The following LAMA5 variants were observed in gnomAD, a reference collection of about 807,000 sequenced individuals.
LAMA5 encodes laminin subunit alpha 5.
LAMA5 carries 260 observed loss-of-function variants against 433.4 expected under a neutral mutation model. That is an observed-to-expected ratio of 0.60 (90% CI 0.54 to 0.66). The LOEUF (loss-of-function observed/expected upper bound fraction) is 0.66, where lower values mean the gene tolerates loss of function less well. Among genes scored for constraint, LAMA5 ranks in the 30% least tolerant of loss-of-function variants. LAMA5 has a pLI of 0.00. For missense variants in LAMA5, 5,378 were observed against 5,258.5 expected (o/e 1.02, Z -0.70); for synonymous variants, 2,620 against 2,226.6 (o/e 1.18, Z -4.97).
intron 2 of LAMA5, among the ~76,000 whole-genome samples, chr20:62,357,130 C>T (rs1985356787): frequency 6.6e-6 from 1 of 152,160 alleles, no homozygotes; most frequent in Non-Finnish European, 1.5e-5. Flanking sequence ...GGAGGCGGTG[C>T]TGTCCTGTGC....
chr20:62,365,823 T>TGTGCTGGGCTTAAGGAGAGAACG (rs1986659883), intron 1 of LAMA5, among the ~76,000 whole-genome samples: 1 of 152,090 alleles, frequency 6.6e-6, no homozygotes, highest in Non-Finnish European at 1.5e-5. Flanking sequence ...CTCAGAGGAC[T>TGTGCTGGGCTTAAGGAGAGAACG]GTGCTGGGCT....
chr20:62,330,136 G>A (rs368635517), intron 31 of LAMA5, among the ~76,000 whole-genome samples: 8 of 152,258 alleles, frequency 5.3e-5, no homozygotes, highest in East Asian at 1.9e-4. Context: ...TCTAGGTACC[G>A]GTCAACTCCA....
intron 11 of LAMA5, among the ~76,000 whole-genome samples, chr20:62,341,080 A>AAATG (rs1408768346): frequency 6.7e-6 from 1 of 150,362 alleles, no homozygotes; most frequent in African/African-American, 2.5e-5. Flanking sequence ...ATAAATAAAT[A>AAATG]AAATTAAAAA....
intron 51 of LAMA5, 101 bp from the exon 52 acceptor site, chr20:62,319,114 G>T: frequency 7.7e-7 from 1 of 1,306,968 alleles, no homozygotes; most frequent in Non-Finnish European, 1.0e-6. Flanking sequence ...ATCCTTGGCA[G>T]GCCAGGGGCC....
chr20:62,321,155 G>GCAC (rs1987663834), intron 48 of LAMA5, among the ~76,000 whole-genome samples: 1 of 128,238 alleles, frequency 7.8e-6, no homozygotes, highest in African/African-American at 3.0e-5. Context: ...TGGGGCCAGT[G>GCAC]AAGGGGCGGG....
At chr20:62,335,630 A>G (rs1981446806) in intron 18 of LAMA5, among the ~76,000 whole-genome samples, 1 of 99,020 alleles carries the variant, frequency 1.0e-5, no homozygotes, top group African/African-American at 4.1e-5. Context: ...GAGGAACTCC[A>G]CACCCCAACA....
In LAMA5 at chr20:62,313,402, T is replaced by C; in HGVS notation, c.8717A>G (p.Asn2906Ser). Reference protein sequence around the residue: ...YRGCIEMDTLNEEVVSLYNFE... With the variant: ...YRGCIEMDTLSEEVVSLYNFE... Reference sequence around the variant, plus strand: ...GTTGTAGAGGCTGACCACCTCCTCATTCAGCGTGTCCATCTCGATGCAGCC... The same window carrying C: ...GTTGTAGAGGCTGACCACCTCCTCACTCAGCGTGTCCATCTCGATGCAGCC... The change falls in exon 64 of 80, where the codon AAT becomes AGT. Residue 2906 changes from asparagine (N) to serine (S), a missense_variant. Coordinates refer to ENST00000252999, the MANE Select transcript of LAMA5 (RefSeq NM_005560.6). 2 of 1,609,142 alleles carry C rather than the reference T, an allele frequency of 1.2e-6. No individual in the cohort carries two copies. Among genetic ancestry groups the C allele is most frequent in the Non-Finnish European group, 1.7e-6 (2 of 1,178,570 alleles).
intron 18 of LAMA5, among the ~76,000 whole-genome samples, chr20:62,335,668 A>G (rs916207274): frequency 9.3e-6 from 1 of 107,368 alleles, no homozygotes; most frequent in Non-Finnish European, 1.8e-5. Context: ...TCACGGGTGC[A>G]GCCCCTCCGA....
chr20:62,309,639 T>TGGGGCGGTGGGAGGGGGTGGG, intron 79 of LAMA5, 77 bp downstream of exon 79: 1 of 465,272 alleles, frequency 2.1e-6, no homozygotes, highest in Non-Finnish European at 3.1e-6. Flanking sequence ...GGTGGAGGGG[T>TGGGGCGGTGGGAGGGGGTGGG]GGGGGGAGGG....
At chr20:62,365,444 C>T (rs1986614041) in intron 1 of LAMA5, among the ~76,000 whole-genome samples, 1 of 152,214 alleles carries the variant, frequency 6.6e-6, no homozygotes. Flanking sequence ...TAAGCCCCCA[C>T]AGAGGAGACA....
At chr20:62,350,557 A>C (rs545197063) in intron 6 of LAMA5, among the ~76,000 whole-genome samples, 1 of 152,276 alleles carries the variant, frequency 6.6e-6, no homozygotes, top group South Asian at 2.1e-4. Flanking sequence ...ACAGAGCAGT[A>C]AGGCCCCACA....
chr20:62,315,258 G>A (rs1986818880), intron 58 of LAMA5, 51 bp from the exon 59 acceptor site: 3 of 1,483,662 alleles, frequency 2.0e-6, no homozygotes, highest in Non-Finnish European at 2.7e-6. Context: ...GACCATCCTG[G>A]CTTCATGTCC....
At chr20:62,348,537 G>A (rs1983713219) in intron 6 of LAMA5, among the ~76,000 whole-genome samples, 1 of 152,098 alleles carries the variant, frequency 6.6e-6, no homozygotes. Flanking sequence ...AACCTGGGAG[G>A]TGGAGCTTGC....
In LAMA5 at chr20:62,322,115, G is replaced by A. The variant is rs909819484; in HGVS notation, c.6400C>T (p.Pro2134Ser). The change falls in exon 48 of 80, where the codon CCC (proline) becomes TCC (serine). Residue 2134 changes from proline to serine, a missense_variant. By Grantham distance (74) the Pro-to-Ser change is moderately conservative (BLOSUM62 -1). Transcript: ENST00000252999. ...CAGCGCTCCCCGCTGAGCCCCGGGGGGCAGTTGCAGCGGCCCGTGTGAGGG... is the reference window on the plus strand; with the variant it reads ...CAGCGCTCCCCGCTGAGCCCCGGGGAGCAGTTGCAGCGGCCCGTGTGAGGG... ...CDPHTGRCNC[P>S]PGLSGERCDT... The A allele has an allele frequency of 2.5e-6, 4 of 1,603,284 alleles. No individual in the cohort carries two copies. Among genetic ancestry groups the A allele is most frequent in the South Asian group, 1.1e-5 (1 of 90,958 alleles).
chr20:62,311,816 T>TGCC, intron 70 of LAMA5, 32 bp from the exon 71 acceptor site: 12 of 1,520,962 alleles, frequency 7.9e-6, no homozygotes, highest in South Asian at 1.2e-5. Flanking sequence ...GCTCGGTTTT[T>TGCC]CCCCACCCTG....
At chr20:62,315,863 G>A in intron 58 of LAMA5, 85 bp downstream of exon 58, 1 of 1,036,258 alleles carries the variant, frequency 9.7e-7, no homozygotes, top group Non-Finnish European at 1.4e-6. Flanking sequence ...CACAGTGAGT[G>A]CTCACCAACC....
At chr20:62,352,856 C>G in intron 3 of LAMA5, 2 of 423,494 alleles carry the variant, frequency 4.7e-6, no homozygotes, top group Non-Finnish European at 8.5e-6. Flanking sequence ...TTTGTCACCA[C>G]GGGAGCTGCC....
At chr20:62,352,885 G>A in intron 3 of LAMA5, 1 of 476,450 alleles carries the variant, frequency 2.1e-6, no homozygotes, top group Non-Finnish European at 3.7e-6. Context: ...AAGCCATCCA[G>A]AGGCAGCCAA....
At chr20:62,350,689 A>G (rs756114309) in intron 6 of LAMA5, among the ~76,000 whole-genome samples, 1 of 152,112 alleles carries the variant, frequency 6.6e-6, no homozygotes, top group Non-Finnish European at 1.5e-5. Flanking sequence ...ACTCAGCCTC[A>G]GCTGCACCAC....
Sources: gnomAD v4.1 joint callset for allele counts (sites outside exome capture counted in the v4.1 genomes callset) on GRCh38, gnomAD v4.1.1 for gene constraint, MANE v1.5 for transcripts, NCBI Gene and HGNC (gene_info 2026-07-23, HGNC 2026-07-21) for gene names.